The following MPP7 variants were observed in gnomAD, a reference collection of about 807,000 sequenced individuals.
The protein encoded by MPP7 is MAGUK p55 subfamily member 7.
A neutral mutation model predicts 76.5 loss-of-function variants in MPP7; 60 were observed. That is an observed-to-expected ratio of 0.78 (90% CI 0.64 to 0.97). The LOEUF is 0.97. Among genes scored for constraint, MPP7 ranks in the 50% least tolerant of loss-of-function variants. MPP7 has a pLI of 0.00. For synonymous variants in MPP7, 237 were observed against 244.5 expected, an observed-to-expected ratio of 0.97 and a Z score of 0.29; for missense variants, 641 against 694.0, an observed-to-expected ratio of 0.92 and a Z score of 0.86.
At chr10:28,085,835 T>C (rs1852982312) in intron 12 of MPP7, among the ~76,000 whole-genome samples, 1 of 152,060 alleles carries the variant, frequency 6.6e-6, no homozygotes, top group Non-Finnish European at 1.5e-5. Context: ...AAAAAAGGCT[T>C]TAGGATTCTG....
intron 13 of MPP7, among the ~76,000 whole-genome samples, chr10:28,061,208 G>T (rs116157387): frequency 6.6e-6 from 1 of 151,802 alleles, no homozygotes; most frequent in African/African-American, 2.4e-5. Context: ...CAAGGGGAAA[G>T]ATAACAGATA....
chr10:28,303,085 G>A (rs1841206304), upstream of MPP7, among the ~76,000 whole-genome samples: 1 of 152,140 alleles, frequency 6.6e-6, no homozygotes, highest in Non-Finnish European at 1.5e-5. Context: ...CCCTCGGAGG[G>A]GCGGGACCGC....
chr10:28,307,754 G>A (rs1226657778), upstream of MPP7: 1 of 152,094 alleles, frequency 6.6e-6, no homozygotes, highest in Non-Finnish European at 1.5e-5. Flanking sequence ...CCCCAGAAAG[G>A]GTCCCATGCA....
intron 3 of MPP7, among the ~76,000 whole-genome samples, chr10:28,172,130 G>C (rs1012112499): frequency 2.0e-5 from 3 of 152,172 alleles, no homozygotes; most frequent in Non-Finnish European, 2.9e-5. Flanking sequence ...ACGATGTCAT[G>C]AACTTTGGCA....
chr10:28,164,116 G>T (rs1836363018), intron 3 of MPP7, among the ~76,000 whole-genome samples: 1 of 152,042 alleles, frequency 6.6e-6, no homozygotes, highest in African/African-American at 2.4e-5. Context: ...GAAAGATCGA[G>T]ACCGAAGACA....
At chr10:28,082,985 T>G (rs1158146735) in intron 12 of MPP7, among the ~76,000 whole-genome samples, 2 of 152,186 alleles carry the variant, frequency 1.3e-5, no homozygotes, top group African/African-American at 4.8e-5. Context: ...AAAACAAACC[T>G]AGAAAGTAGG....
At chr10:28,277,137 T>C (rs1316100130) in intron 1 of MPP7, among the ~76,000 whole-genome samples, 3 of 151,972 alleles carry the variant, frequency 2.0e-5, no homozygotes, top group African/African-American at 7.3e-5. Context: ...CAGTAAGCCG[T>C]GACAGTGTCA....
At chr10:28,262,236 T>C (rs1289659583) in intron 1 of MPP7, among the ~76,000 whole-genome samples, 11 of 76,280 alleles carry the variant, frequency 1.4e-4, no homozygotes, top group African/African-American at 5.4e-4. Flanking sequence ...CATATATATA[T>C]ATATATACAT....
chr10:28,089,741 T>C lies in MPP7; in HGVS notation c.1053A>G (p.Val351=). 1 of 1,613,950 alleles carries C rather than the reference T, an allele frequency of 6.2e-7. No individual in the cohort carries two copies. The highest frequency in any genetic ancestry group is 1.1e-5 in the South Asian group (1 of 91,052). The change falls in exon 12 of 17, where the codon GTA becomes GTG. Residue 351 remains valine, a synonymous_variant. Transcript: ENST00000683449. ...KKSDQYDTAD[V]PTYEEVTPYR... ...ACGGTGTCACTTCTTCGTATGTGGG[T>C]ACGTCAGCTGTGTCGTACTGATCAC...
chr10:28,324,272 A>G (rs1321303059), intron 2 of MPP7, among the ~76,000 whole-genome samples: 1 of 152,212 alleles, frequency 6.6e-6, no homozygotes, highest in Non-Finnish European at 1.5e-5. Flanking sequence ...ACCAGGCAAC[A>G]GGCCCTCCCC....
chr10:28,188,554 T>A (rs1329663596), intron 3 of MPP7, among the ~76,000 whole-genome samples: 1 of 152,284 alleles, frequency 6.6e-6, no homozygotes, highest in Admixed American at 6.5e-5. Flanking sequence ...GATCATCTAC[T>A]GAGGAATATG....
At chr10:28,121,538 G>A (rs964595547) in intron 8 of MPP7, among the ~76,000 whole-genome samples, 1 of 152,000 alleles carries the variant, frequency 6.6e-6, no homozygotes, top group African/African-American at 2.4e-5. Flanking sequence ...ATAAGTACCA[G>A]CACCCACAAG....
intron 11 of MPP7, among the ~76,000 whole-genome samples, chr10:28,102,389 C>A (rs1853866673): frequency 6.6e-6 from 1 of 152,078 alleles, no homozygotes; most frequent in African/African-American, 2.4e-5. Flanking sequence ...AACAGCCAAA[C>A]CTCTTTCATT....
intron 2 of MPP7, among the ~76,000 whole-genome samples, chr10:28,211,462 TAG>T (rs962143389): frequency 3.9e-4 from 57 of 147,808 alleles, no homozygotes; most frequent in African/African-American, 1.2e-3. Flanking sequence ...TATATATATA[TAG>T]AGAGAGAGAG....
intron 14 of MPP7, 23 bp downstream of exon 14, chr10:28,059,627 A>T: frequency 6.4e-7 from 1 of 1,564,768 alleles, no homozygotes; most frequent in Non-Finnish European, 8.8e-7. Context: ...GTCACATGAA[A>T]ATTCTCAAAA....
In MPP7 at chr10:28,238,595, A is replaced by C. The variant is rs1196632604; in HGVS notation, c.10T>G (p.Leu4Val). Residue 4 changes from leucine (L) to valine (V), a missense_variant, in exon 2 of 17, where the codon TTG (leucine) becomes GTG (valine). Physicochemically the swap from Leu to Val is conservative, Grantham distance 32. Coordinates refer to ENST00000683449, the MANE Select transcript of MPP7 (RefSeq NM_001318170.2). ...GTGTCACTCCCAGATCCCGTTGACAAAGCTGGCATGATGCAAGGTGTAGGA... is the reference window on the plus strand; with the variant it reads ...GTGTCACTCCCAGATCCCGTTGACACAGCTGGCATGATGCAAGGTGTAGGA... MPA[L>V]STGSGSDTGL... 2 of 1,614,052 alleles carry C rather than the reference A, an allele frequency of 1.2e-6. No homozygotes were observed. The highest frequency in any genetic ancestry group is 1.7e-6 in the Non-Finnish European group (2 of 1,180,012).
At chr10:28,282,130 A>G (rs966386312) in intron 1 of MPP7, 1 of 152,102 alleles carries the variant, frequency 6.6e-6, no homozygotes, top group Admixed American at 6.5e-5. Flanking sequence ...GGTTCCTGTT[A>G]GTTCCATTGG....
rs1837799396 is a variant in MPP7 at position 28,202,256 on chromosome 10, A to G, written c.53T>C (p.Leu18Ser). The G allele has an allele frequency of 6.2e-7, 1 of 1,611,414 alleles. No homozygotes were observed. Residue 18 changes from leucine to serine, a missense_variant, in exon 3 of 17, where the codon TTG becomes TCG. Transcript: ENST00000683449. Reference protein sequence around the residue: ...SGSDTGLYELLAALPAQLQPH... With the variant: ...SGSDTGLYELSAALPAQLQPH... ...CTGCAGCTGGGCTGGCAGAGCAGCC[A>G]ACAGCTCATACAGACCTATAAAATG...
At chr10:28,117,645 C>T (rs1834701916) in intron 11 of MPP7, among the ~76,000 whole-genome samples, 1 of 151,940 alleles carries the variant, frequency 6.6e-6, no homozygotes, top group African/African-American at 2.4e-5. Context: ...TTTTTAAATG[C>T]CATTTAAAAT....
Sources: gnomAD v4.1 joint callset for allele counts (sites outside exome capture counted in the v4.1 genomes callset) on GRCh38, gnomAD v4.1.1 for gene constraint, MANE v1.5 for transcripts, NCBI Gene and HGNC (gene_info 2026-07-23, HGNC 2026-07-21) for gene names.